The following FIRRM variants were observed in gnomAD, a reference collection of about 807,000 sequenced individuals.
The protein encoded by FIRRM is FIGNL1 interacting regulator of recombination and mitosis, also known as FIGNL1-interacting regulator of recombination and mitosis.
chr1:169,840,008 T>G, the FIRRM span, among the ~76,000 whole-genome samples: 1 of 152,212 alleles, frequency 6.6e-6, no homozygotes, highest in African/African-American at 2.4e-5. Flanking sequence ...TTGTTTTTGT[T>G]GACTTTTTCA....
chr1:169,792,845 A>G, the FIRRM span: 32 of 1,613,774 alleles, frequency 2.0e-5, no homozygotes, highest in Non-Finnish European at 2.6e-5. Context: ...ATATTTTACA[A>G]AAAGTTTTTC....
chr1:169,829,255 C>T, the FIRRM span: 7 of 1,529,214 alleles, frequency 4.6e-6, no homozygotes, highest in Non-Finnish European at 6.1e-6. Context: ...TTCTCAATTT[C>T]CCTGCAGGAT....
the FIRRM span, among the ~76,000 whole-genome samples, chr1:169,826,281 A>C: frequency 6.6e-6 from 1 of 151,446 alleles, no homozygotes; most frequent in African/African-American, 2.4e-5. Context: ...CATGTTTGTC[A>C]GGCTGGTCTT....
chr1:169,841,470 AG>A, the FIRRM span, among the ~76,000 whole-genome samples: 16 of 152,234 alleles, frequency 1.1e-4, no homozygotes, highest in Non-Finnish European at 1.5e-4. Context: ...TAAGTATAAT[AG>A]ATTCAAGGCA....
At chr1:169,842,355 G>C in the FIRRM span, 2 of 1,542,908 alleles carry the variant, frequency 1.3e-6, no homozygotes, top group East Asian at 4.6e-5. Context: ...AGTTAAGTCG[G>C]CTCTTGGTGG....
the FIRRM span, chr1:169,852,237 G>T: frequency 5.5e-6 from 2 of 366,318 alleles, no homozygotes; most frequent in Non-Finnish European, 5.0e-6. Context: ...GAAAATGAAA[G>T]AAACTTACTC....
the FIRRM span, among the ~76,000 whole-genome samples, chr1:169,810,986 A>C: frequency 6.6e-6 from 1 of 151,210 alleles, no homozygotes; most frequent in African/African-American, 2.4e-5. Context: ...CAGCCTCCCG[A>C]GTAGCTGGGA....
the FIRRM span, chr1:169,849,717 T>C: frequency 1.0e-3 from 793 of 776,182 alleles, 7 homozygotes; most frequent in African/African-American, 0.012. Context: ...AATCGGAAAA[T>C]TGTCTGAAGG....
At chr1:169,832,312 T>G in the FIRRM span, 1 of 693,712 alleles carries the variant, frequency 1.4e-6, no homozygotes, top group Non-Finnish European at 2.6e-6. Context: ...TACAATCTTT[T>G]CCCCTAGAAA....
At chr1:169,790,292 T>G in the FIRRM span, among the ~76,000 whole-genome samples, 1 of 152,048 alleles carries the variant, frequency 6.6e-6, no homozygotes, top group Admixed American at 6.6e-5. Flanking sequence ...CTTCTCACGA[T>G]TCTCTTGTCC....
At chr1:169,803,155 T>C in the FIRRM span, 1 of 1,610,522 alleles carries the variant, frequency 6.2e-7, no homozygotes, top group Non-Finnish European at 8.5e-7. Context: ...TGAAATTTCC[T>C]TCCTTATTCA....
chr1:169,817,376 G>T, the FIRRM span, among the ~76,000 whole-genome samples: 4 of 152,284 alleles, frequency 2.6e-5, no homozygotes, highest in East Asian at 5.8e-4. Flanking sequence ...AAGCCTTAGG[G>T]CAGCCTCTGT....
chr1:169,853,337 A>T, the FIRRM span: 8 of 322,878 alleles, frequency 2.5e-5, no homozygotes, highest in African/African-American at 1.5e-4. Flanking sequence ...AATAGAGCTT[A>T]CTCTTATGTT....
At chr1:169,798,932 A>G in the FIRRM span, 37 of 1,333,458 alleles carry the variant, frequency 2.8e-5, 1 homozygote, top group South Asian at 4.2e-4. Flanking sequence ...TTGTCTCAAC[A>G]TTCTGACAGT....
At chr1:169,813,171 C>T in the FIRRM span, among the ~76,000 whole-genome samples, 1 of 152,132 alleles carries the variant, frequency 6.6e-6, no homozygotes, top group Non-Finnish European at 1.5e-5. Flanking sequence ...GTATTATAAA[C>T]TTGGGTGGTG....
the FIRRM span, chr1:169,795,269 C>A: frequency 6.6e-7 from 1 of 1,512,512 alleles, no homozygotes; most frequent in Non-Finnish European, 8.9e-7. Flanking sequence ...GGGTCGCGAA[C>A]CTTTCTCTTC....
the FIRRM span, among the ~76,000 whole-genome samples, chr1:169,845,018 AC>A: frequency 6.6e-6 from 1 of 152,322 alleles, no homozygotes; most frequent in East Asian, 1.9e-4. Context: ...TAAAATACTT[AC>A]TATTTGGCCT....
At chr1:169,804,415 A>G in the FIRRM span, 1 of 406,358 alleles carries the variant, frequency 2.5e-6, no homozygotes, top group Non-Finnish European at 4.1e-6. Context: ...TATTTTGGGT[A>G]CCTTAACCTA....
the FIRRM span, chr1:169,803,379 T>C: frequency 7.2e-7 from 1 of 1,386,974 alleles, no homozygotes; most frequent in Non-Finnish European, 9.7e-7. Flanking sequence ...TAAAATAATG[T>C]TTGTATAAGA....
Sources: gnomAD v4.1 joint callset for allele counts (sites outside exome capture counted in the v4.1 genomes callset) on GRCh38, gnomAD v4.1.1 for gene constraint, MANE v1.5 for transcripts, NCBI Gene and HGNC (gene_info 2026-07-23, HGNC 2026-07-21) for gene names.